The following ITFG2 variants were observed in gnomAD, a reference collection of about 807,000 sequenced individuals.
The protein encoded by ITFG2 is KICSTOR complex protein ITFG2.
ITFG2 carries 36 observed loss-of-function variants against 54.4 expected under a neutral mutation model. The observed-to-expected ratio is 0.66, with a 90% CI of 0.51 to 0.87. The LOEUF is 0.87. Among genes scored for constraint, ITFG2 ranks in the 40% least tolerant of loss-of-function variants. ITFG2 has a pLI of 0.00. For synonymous variants in ITFG2, 211 were observed against 225.4 expected (o/e 0.94, Z 0.57); for missense variants, 524 against 576.7 (o/e 0.91, Z 0.94).
chr12:2,859,030 C>T, intron 3 of ITFG2: 1 of 1,610,470 alleles, frequency 6.2e-7, no homozygotes, highest in Non-Finnish European at 8.5e-7. Context: ...AAATCCAGTC[C>T]CCCTACTTTG....
At chr12:2,827,922 T>C, downstream of ITFG2, 1 of 1,613,998 alleles carries the variant, frequency 6.2e-7, no homozygotes. This position sits in a 1 kb window ranked among gnomAD's most constrained non-coding sequence, Gnocchi z 4.0. Context: ...AAGGGGGGAC[T>C]TACCCACCAC....
At chr12:2,855,612 G>A (rs958961639) in intron 2 of ITFG2, among the ~76,000 whole-genome samples, 5 of 152,152 alleles carry the variant, frequency 3.3e-5, no homozygotes, top group Admixed American at 1.3e-4. Context: ...TCTCCTTCCC[G>A]GCGGAAGTTA....
At chr12:2,855,589 G>C in intron 2 of ITFG2, 1 of 553,460 alleles carries the variant, frequency 1.8e-6, no homozygotes, top group East Asian at 3.2e-5. Context: ...TGGCAGGGCC[G>C]CATCTCCATC....
chr12:2,858,652 G>A (rs2098097700), intron 3 of ITFG2: 1 of 1,613,956 alleles, frequency 6.2e-7, no homozygotes, highest in Non-Finnish European at 8.5e-7. Flanking sequence ...TGTAGCTCAG[G>A]AATAAACTGG....
chr12:2,828,770 A>G (rs1412000417), downstream of ITFG2, among the ~76,000 whole-genome samples: 2 of 152,202 alleles, frequency 1.3e-5, no homozygotes, highest in Admixed American at 6.5e-5. Context: ...TGAACCCGAG[A>G]GGCGGAGGTT....
chr12:2,827,219 C>G, downstream of ITFG2: 2 of 1,614,158 alleles, frequency 1.2e-6, no homozygotes, highest in South Asian at 1.1e-5. The surrounding 1 kb of genome is among the most constrained non-coding windows in gnomAD (Gnocchi z 4.0). Context: ...ACTGGCCAGG[C>G]TCTTGGTACA....
Position 2,821,574 on chromosome 12 carries a change from C to CT in ITFG2, c.828dup (p.Ala277CysfsTer45). ...GCACTGAGAGTAGTGGCTCTGGCCT[C>CT]TTTGCCCTGTGCACCCTGGATGGTG... On this transcript the variant is annotated frameshift_variant, in exon 8 of 12. Coordinates refer to ENST00000228799, the MANE Select transcript of ITFG2 (RefSeq NM_018463.4). LOFTEE classifies it high-confidence loss of function. 6.2e-7 allele frequency: 1 copy of CT among 1,614,224 alleles called. No individual in the cohort carries two copies.
chr12:2,831,797 A>G (rs1175735080), downstream of ITFG2, among the ~76,000 whole-genome samples: 8 of 151,712 alleles, frequency 5.3e-5, no homozygotes, highest in East Asian at 1.9e-4. Flanking sequence ...GGATCTTGCT[A>G]TGCTGCCCAG....
Position 2,814,039 on chromosome 12 carries a change from G to A in ITFG2, c.96+1183G>A, listed in dbSNP as rs1476134640. The stretch of plus-strand genomic sequence containing the variant: ...GCTCACTGCAGCCTTGAACTCCTGG[G>A]CTCAAATGATTCTACTGCCCCAACC... On this transcript the variant is annotated intron_variant, in intron 1 of 11. Transcript: ENST00000228799. 2.6e-5 allele frequency among the ~76,000 whole-genome samples: 4 copies of A among 152,168 alleles called. No homozygotes were observed. The East Asian group carries it at 7.7e-4, about 29-fold the overall frequency.
chr12:2,817,183 A>G (rs748102764), intron 1 of ITFG2, 40 bp from the exon 2 acceptor site: 3 of 1,365,178 alleles, frequency 2.2e-6, no homozygotes, highest in South Asian at 2.4e-5. Context: ...GAGGTTCAGC[A>G]GAGTCCCATC....
intron 9 of ITFG2, among the ~76,000 whole-genome samples, chr12:2,822,273 T>C (rs2097947975): frequency 6.6e-6 from 1 of 152,228 alleles, no homozygotes; most frequent in African/African-American, 2.4e-5. Context: ...TTGTTTCCTC[T>C]TACTCGACCA....
chr12:2,838,573 G>A (rs1168901364), intron 1 of ITFG2, among the ~76,000 whole-genome samples: 1 of 152,152 alleles, frequency 6.6e-6, no homozygotes, highest in Admixed American at 6.5e-5. Flanking sequence ...AGTCTGATAA[G>A]TCCTTTGTTG....
Position 2,821,574 on chromosome 12 carries a change from CTT to C in ITFG2, c.827_828del (p.Phe276CysfsTer45), listed in dbSNP as rs754521031. The C allele has an allele frequency of 1.2e-6, 2 of 1,614,224 alleles. No individual in the cohort carries two copies. The highest frequency in any genetic ancestry group is 1.7e-6 in the Non-Finnish European group (2 of 1,180,046). The part of the protein sequence containing the change: ...HGTESSGSGL[F>X]ALCTLDGTLK... ...GCACTGAGAGTAGTGGCTCTGGCCT[CTT>C]TGCCCTGTGCACCCTGGATGGTGAG... On this transcript the variant is annotated frameshift_variant, in exon 8 of 12. Coordinates refer to ENST00000228799, the MANE Select transcript of ITFG2 (RefSeq NM_018463.4). LOFTEE classifies it high-confidence loss of function.
intron 2 of ITFG2, chr12:2,849,203 A>G (rs535671370): frequency 5.9e-6 from 9 of 1,518,894 alleles, no homozygotes; most frequent in South Asian, 2.5e-5. Flanking sequence ...GGCTCTGGGT[A>G]TCACGATCGT....
intron 2 of ITFG2, chr12:2,830,544 G>A (rs1238675906): frequency 1.5e-6 from 1 of 650,180 alleles, no homozygotes; most frequent in Non-Finnish European, 2.6e-6. Flanking sequence ...ATGGCTTGGG[G>A]CAGGGAGGAA....
At chr12:2,819,684 G>C (rs986358851) in intron 4 of ITFG2, 2 of 157,968 alleles carry the variant, frequency 1.3e-5, no homozygotes, top group Non-Finnish European at 2.8e-5. Flanking sequence ...GAAAGAGCTA[G>C]AGTGTCGAGG....
chr12:2,849,234 G>C (rs941803870), intron 2 of ITFG2: 11 of 1,535,312 alleles, frequency 7.2e-6, no homozygotes, highest in Middle Eastern at 3.3e-4. Flanking sequence ...AGCCCTTCTA[G>C]AAGTGTCCAG....
chr12:2,854,934 A>G (rs1406959722), intron 2 of ITFG2: 2 of 1,535,826 alleles, frequency 1.3e-6, no homozygotes, highest in Admixed American at 2.0e-5. Context: ...TGCCCTGGGC[A>G]TCGAGTGGGG....
chr12:2,816,205 A>G (rs1325104334), intron 1 of ITFG2, among the ~76,000 whole-genome samples: 1 of 147,186 alleles, frequency 6.8e-6, no homozygotes, highest in Non-Finnish European at 1.5e-5. Context: ...TAATTTTTGT[A>G]TTTTTAGTAC....
Sources: allele counts gnomAD v4.1 joint callset (sites outside exome capture counted in the v4.1 genomes callset), GRCh38; gene constraint gnomAD v4.1.1; non-coding constraint Gnocchi (gnomAD v3.1); transcripts MANE v1.5; gene names NCBI Gene and HGNC (gene_info 2026-07-23, HGNC 2026-07-21).